OSBPL3: variants seen among roughly 807,000 people sequenced by gnomAD.
OSBPL3 encodes oxysterol-binding protein-related protein 3.
Under a neutral mutation model 120.1 loss-of-function variants are expected in OSBPL3, and 65 were observed. The observed-to-expected ratio is 0.54, with a 90% CI of 0.44 to 0.67. OSBPL3 has a LOEUF of 0.67. OSBPL3 is among the 30% of genes least tolerant of loss of function. OSBPL3 has a pLI of 0.00. For synonymous variants in OSBPL3, 416 were observed against 402.6 expected (o/e 1.03, Z -0.40); for missense variants, 1,004 against 1,082.1 (o/e 0.93, Z 1.01).
Position 24,894,912 on chromosome 7 carries a change from A to G in OSBPL3, c.-149-2291T>C, listed in dbSNP as rs1805907654. 6.6e-6 allele frequency among the ~76,000 whole-genome samples: 1 copy of G among 152,170 alleles called. No homozygotes were observed. Among genetic ancestry groups the G allele is most frequent in the African/African-American group, 2.4e-5 (1 of 41,446 alleles). ...AGCCAGGACTTAGTAGGCCAAATCC[A>G]ATAGCTATCAAAGTTGGCACTTAGA... On this transcript the variant is annotated intron_variant, in intron 1 of 22. Transcript: ENST00000313367. This position sits in a 1 kb window ranked among gnomAD's most constrained non-coding sequence, Gnocchi z 4.1.
intron 12 of OSBPL3, among the ~76,000 whole-genome samples, chr7:24,844,419 G>A (rs10231952): frequency 0.11 from 17,174 of 150,666 alleles, 1,271 homozygotes; most frequent in South Asian, 0.27. Flanking sequence ...TAGTGTTAGT[G>A]TATCTTATGT....
Position 24,938,865 on chromosome 7 carries a change from GAA to G in OSBPL3, c.-150+41019_-150+41020del, listed in dbSNP as rs535931348. Among the ~76,000 whole-genome samples the G allele has an allele frequency of 5.3e-5, 6 of 114,256 alleles. No homozygotes were observed. The highest frequency in any genetic ancestry group is 1.7e-4 in the Admixed American group (2 of 11,444). The allele number at this position is 114,256 out of a possible 152,430, so 75.0% of individuals were successfully genotyped here. A position where few individuals can be genotyped will look rare whatever the true frequency, so the allele number is the denominator to read the frequency against. On this transcript the variant is annotated intron_variant, in intron 1 of 22. Transcript: ENST00000313367. This position sits in a 1 kb window ranked among gnomAD's most constrained non-coding sequence, Gnocchi z 5.8. Reference sequence around the variant, plus strand: ...GAGCAAAACTAATGTGGCCAAGAAAGAAAAAAAAAAAAGATTGTTATTAAGGA... The same window carrying G: ...GAGCAAAACTAATGTGGCCAAGAAAGAAAAAAAAAAGATTGTTATTAAGGA...
Position 24,922,480 on chromosome 7 carries a change from T to C in OSBPL3, c.-149-29859A>G, listed in dbSNP as rs554132135. ...GGTGGATACTGTGGTGCTTTTAGAG[T>C]TTGATTCTAGAAACATGACTTTCTC... On this transcript the variant is annotated intron_variant, in intron 1 of 22. Coordinates refer to ENST00000313367, the MANE Select transcript of OSBPL3 (RefSeq NM_015550.4). The surrounding 1 kb of genome is among the most constrained non-coding windows in gnomAD (Gnocchi z 4.3). 6.6e-6 allele frequency among the ~76,000 whole-genome samples: 1 copy of C among 152,220 alleles called. No homozygotes were observed. Among genetic ancestry groups the C allele is most frequent in the Admixed American group, 6.5e-5 (1 of 15,288 alleles).
In OSBPL3 at chr7:24,834,745, G is replaced by C. The variant is rs375810493; in HGVS notation, c.1496-9C>G. The C allele has an allele frequency of 6.9e-6, 11 of 1,589,546 alleles. No homozygotes were observed. In the African/African-American group the frequency reaches 1.2e-4, roughly 18 times the overall value. On this transcript the variant is annotated splice_polypyrimidine_tract_variant and intron_variant, in intron 14 of 22. Coordinates refer to ENST00000313367, the MANE Select transcript of OSBPL3 (RefSeq NM_015550.4). The surrounding 1 kb of genome is among the most constrained non-coding windows in gnomAD (Gnocchi z 5.2). ...ACTATCAAGGACAGGCCCTGAAAGG[G>C]AAAGAGGCCTGGTTGTCTCTATAAA...
In OSBPL3 at chr7:24,806,198, C is replaced by G. The variant is rs574282093; in HGVS notation, c.2444+578G>C. Among the ~76,000 whole-genome samples, 15 of 152,360 alleles carry G rather than the reference C, an allele frequency of 9.8e-5. No homozygotes were observed. The highest frequency in any genetic ancestry group is 3.6e-4 in the African/African-American group (15 of 41,586). On this transcript the variant is annotated intron_variant, in intron 21 of 22. Coordinates refer to ENST00000313367, the MANE Select transcript of OSBPL3 (RefSeq NM_015550.4). This position sits in a 1 kb window ranked among gnomAD's most constrained non-coding sequence, Gnocchi z 5.2. ...TCTTGAACTCCTGACTTCAAGTGAT[C>G]CGCCCGCTTCGGCCTCCCAAAGTGT...
At position 24,980,146 on chromosome 7, in the gene OSBPL3, G is replaced by A. The variant is rs913445514; in HGVS notation, c.-410C>T. ...CGGCTGGCGGGCGCCACCAGCACGCGGCCAGTTCTGAGTACTTTGCCCAGA... is the reference window on the plus strand; with the variant it reads ...CGGCTGGCGGGCGCCACCAGCACGCAGCCAGTTCTGAGTACTTTGCCCAGA... On this transcript the variant is annotated 5_prime_UTR_variant, in exon 1 of 23. Coordinates refer to ENST00000313367, the MANE Select transcript of OSBPL3 (RefSeq NM_015550.4). 16 of 647,294 alleles carry A rather than the reference G, an allele frequency of 2.5e-5. No homozygotes were observed. The East Asian group carries it at 1.1e-3, about 45-fold the overall frequency. The allele number at this position is 647,294 out of a possible 1,614,324, so 40.1% of individuals were successfully genotyped here.
intron 16 of OSBPL3, among the ~76,000 whole-genome samples, chr7:24,828,638 G>T (rs1485906295): frequency 7.9e-6 from 1 of 126,966 alleles, no homozygotes; most frequent in Non-Finnish European, 1.8e-5. Context: ...AAAAAAAAAG[G>T]CATCGTAGAA....
At chr7:24,861,943 G>A (rs1194175173) in intron 9 of OSBPL3, among the ~76,000 whole-genome samples, 174 bp from the exon 10 acceptor site, 5 of 150,096 alleles carry the variant, frequency 3.3e-5, no homozygotes, top group Admixed American at 2.7e-4. Flanking sequence ...CTGGAGTGCA[G>A]TGGCACAATC....
In OSBPL3 at chr7:24,966,284, C is replaced by T. The variant is rs1816370493; in HGVS notation, c.-150+13602G>A. On this transcript the variant is annotated intron_variant, in intron 1 of 22. Coordinates refer to ENST00000313367, the MANE Select transcript of OSBPL3 (RefSeq NM_015550.4). The surrounding 1 kb of genome is among the most constrained non-coding windows in gnomAD (Gnocchi z 4.8). ...AACTCCCACATCCTGTCCTTCTGAC[C>T]CCTAGCATCTGTCAGACAAAGGTGT... is the stretch of plus-strand genomic sequence containing the variant. Among the ~76,000 whole-genome samples the T allele has an allele frequency of 6.6e-6, 1 of 152,166 alleles. No individual in the cohort carries two copies. Among genetic ancestry groups the T allele is most frequent in the South Asian group, 2.1e-4 (1 of 4,822 alleles).
In OSBPL3 at chr7:24,803,479, C is replaced by T. The variant is rs1034339926; in HGVS notation, c.2567+836G>A. On this transcript the variant is annotated intron_variant, in intron 22 of 22. Coordinates refer to ENST00000313367, the MANE Select transcript of OSBPL3 (RefSeq NM_015550.4). This position sits in a 1 kb window ranked among gnomAD's most constrained non-coding sequence, Gnocchi z 4.2. ...AAGGGTTGAAGATCTCTCATACCTC[C>T]TTTAAAAATTTATATCTATTGGCTG... Among the ~76,000 whole-genome samples the T allele has an allele frequency of 9.9e-5, 15 of 152,060 alleles. No individual in the cohort carries two copies. The highest frequency in any genetic ancestry group is 3.3e-4 in the Admixed American group (5 of 15,262).
At chr7:24,890,931 T>G (rs747363636) in intron 2 of OSBPL3, among the ~76,000 whole-genome samples, 63 of 152,360 alleles carry the variant, frequency 4.1e-4, no homozygotes, top group African/African-American at 1.4e-3. Context: ...AGAATTTCAT[T>G]GTACTGTTCC....
chr7:24,816,736 G>A (rs1162688001), intron 17 of OSBPL3, 48 bp from the exon 18 acceptor site: 1 of 1,182,768 alleles, frequency 8.5e-7, no homozygotes, highest in Non-Finnish European at 1.3e-6. Context: ...GAGGTAGGTA[G>A]ATGAAATAGT....
At chr7:24,843,034 C>A (rs1269580756) in intron 12 of OSBPL3, among the ~76,000 whole-genome samples, 2 of 152,174 alleles carry the variant, frequency 1.3e-5, no homozygotes, top group Non-Finnish European at 2.9e-5. Context: ...CTTTATAAGC[C>A]TCTGTACAAA....
rs1793549408 is a variant in OSBPL3, at chr7:24,809,880, A to G, written c.2244T>C (p.His748=). 1 of 1,614,070 alleles carries G rather than the reference A, an allele frequency of 6.2e-7. No individual in the cohort carries two copies. The highest frequency in any genetic ancestry group is 8.5e-7 in the Non-Finnish European group (1 of 1,180,022). The part of the protein sequence containing the change: ...TVFDRSGKAV[H]RLFGKWHESI... ...TTTCATGCCATTTCCCAAACAGCCG[A>G]TGAACCGCTTTTCCACTCCTGTCAA... The change falls in exon 20 of 23, where the codon CAT becomes CAC. Residue 748 remains histidine, a synonymous_variant. Transcript: ENST00000313367.
Position 24,937,872 on chromosome 7 carries a change from G to A in OSBPL3, c.-150+42014C>T, listed in dbSNP as rs904184746. Among the ~76,000 whole-genome samples the A allele has an allele frequency of 1.3e-5, 2 of 152,064 alleles. No homozygotes were observed. The highest frequency in any genetic ancestry group is 1.3e-4 in the Admixed American group (2 of 15,264). On this transcript the variant is annotated intron_variant, in intron 1 of 22. Coordinates refer to ENST00000313367, the MANE Select transcript of OSBPL3 (RefSeq NM_015550.4). This position sits in a 1 kb window ranked among gnomAD's most constrained non-coding sequence, Gnocchi z 4.0. ...AGTGTAGAAACGATATTCTTGTTCT[G>A]GTTTTATATTATGCTTCCAGAATCG...
intron 1 of OSBPL3, among the ~76,000 whole-genome samples, chr7:24,901,155 T>C (rs1806951298): frequency 6.6e-6 from 1 of 151,834 alleles, no homozygotes; most frequent in African/African-American, 2.4e-5. Flanking sequence ...AGAGAAACCC[T>C]GTCTCTACTA....
chr7:24,859,429 C>T (rs1323403853), intron 10 of OSBPL3, among the ~76,000 whole-genome samples: 2 of 152,116 alleles, frequency 1.3e-5, no homozygotes, highest in African/African-American at 4.8e-5. Flanking sequence ...ATATATCCTT[C>T]CAGACTTTTT....
Position 24,807,118 on chromosome 7 carries a change from T to C in OSBPL3, c.2318-216A>G, listed in dbSNP as rs1793149953. ...TTCTGCCTACAGGGATGTGGCCTCCTATGTGTGGTCAGAAAGCAAATTTAT... is the reference window on the plus strand; with the variant it reads ...TTCTGCCTACAGGGATGTGGCCTCCCATGTGTGGTCAGAAAGCAAATTTAT... On this transcript the variant is annotated intron_variant, in intron 20 of 22. Coordinates refer to ENST00000313367, the MANE Select transcript of OSBPL3 (RefSeq NM_015550.4). 2.0e-5 allele frequency among the ~76,000 whole-genome samples: 3 copies of C among 152,360 alleles called. No individual in the cohort carries two copies. In the South Asian group the frequency reaches 6.2e-4, roughly 32 times the overall value.
At position 24,821,303 on chromosome 7, in the gene OSBPL3, T is replaced by C. The variant is rs951326068; in HGVS notation, c.1885-1065A>G. ...GAGGTAGCGGTAAGTCCCAGCAGTT[T>C]TGGTTTACCTCACTGGTTTTCAAAC... On this transcript the variant is annotated intron_variant, in intron 16 of 22. Transcript: ENST00000313367. This position sits in a 1 kb window ranked among gnomAD's most constrained non-coding sequence, Gnocchi z 5.5. Among the ~76,000 whole-genome samples, 6 of 152,220 alleles carry C rather than the reference T, an allele frequency of 3.9e-5. No individual in the cohort carries two copies. Among genetic ancestry groups the C allele is most frequent in the African/African-American group, 1.2e-4 (5 of 41,460 alleles).
Sources: gnomAD v4.1 joint callset for allele counts (sites outside exome capture counted in the v4.1 genomes callset) on GRCh38, gnomAD v4.1.1 for gene constraint, Gnocchi (gnomAD v3.1) non-coding constraint, MANE v1.5 for transcripts, NCBI Gene and HGNC (gene_info 2026-07-23, HGNC 2026-07-21) for gene names.